The following HIP1 variants were observed in gnomAD, a reference collection of about 807,000 sequenced individuals.
HIP1 encodes the protein huntingtin interacting protein 1, also known as huntingtin-interacting protein 1.
In HIP1, 65 loss-of-function variants were observed where a neutral mutation model predicts 147.6. The ratio of observed to expected loss-of-function variants is 0.44; its 90% CI spans 0.36 to 0.54. The LOEUF (loss-of-function observed/expected upper bound fraction) is 0.54. Ranked by LOEUF, HIP1 falls within the 20% of genes least tolerant of loss-of-function variation. The pLI is 0.00. For synonymous variants in HIP1, 479 were observed against 504.0 expected (o/e 0.95, Z 0.67); for missense variants, 1,061 against 1,299.6 (o/e 0.82, Z 2.82).
intron 24 of HIP1, 115 bp downstream of exon 24, chr7:75,547,640 T>C (rs1794619950): frequency 6.1e-6 from 5 of 824,184 alleles, no homozygotes; most frequent in Non-Finnish European, 8.6e-6. Context: ...AACTCAGCCC[T>C]TCCCCGTGGC....
At chr7:75,551,290 C>T (rs1794774689) in intron 22 of HIP1, among the ~76,000 whole-genome samples, 1 of 149,402 alleles carries the variant, frequency 6.7e-6, no homozygotes, top group South Asian at 2.1e-4. Context: ...CTCCGCCTCC[C>T]AGGCTCAAAG....
chr7:75,540,847 G>A (rs782410075), intron 29 of HIP1, among the ~76,000 whole-genome samples: 3 of 152,112 alleles, frequency 2.0e-5, no homozygotes, highest in Non-Finnish European at 2.9e-5. Flanking sequence ...AAAGTCATAC[G>A]CAAATAATTC....
chr7:75,622,866 TA>T (rs1797894408), intron 1 of HIP1, among the ~76,000 whole-genome samples: 4 of 115,006 alleles, frequency 3.5e-5, no homozygotes, highest in African/African-American at 2.0e-4. Context: ...TCTATCTATC[TA>T]TCTATCTATC....
At chr7:75,555,980 G>T in intron 18 of HIP1, 46 bp downstream of exon 18, 1 of 1,606,478 alleles carries the variant, frequency 6.2e-7, no homozygotes, top group South Asian at 1.1e-5. Context: ...AGAGGCCCTC[G>T]GTGGGAATTC....
chr7:75,630,000 A>C (rs1442417065), intron 1 of HIP1, among the ~76,000 whole-genome samples: 1 of 152,142 alleles, frequency 6.6e-6, no homozygotes, highest in Non-Finnish European at 1.5e-5. Context: ...CTCTGCAAAA[A>C]AGTTAAAAAT....
intron 1 of HIP1, among the ~76,000 whole-genome samples, chr7:75,671,056 C>A (rs1223062264): frequency 1.3e-5 from 2 of 151,988 alleles, no homozygotes; most frequent in African/African-American, 4.8e-5. Flanking sequence ...TCAAGGTTCA[C>A]CCATGTTGTA....
chr7:75,691,102 T>C (rs1269172338), intron 1 of HIP1, among the ~76,000 whole-genome samples: 1 of 152,168 alleles, frequency 6.6e-6, no homozygotes, highest in African/African-American at 2.4e-5. Context: ...GGAGTTCTGA[T>C]ACATGCTCCA....
At chr7:75,712,727 TACTC>T (rs1801195408) in intron 1 of HIP1, among the ~76,000 whole-genome samples, 2 of 152,294 alleles carry the variant, frequency 1.3e-5, no homozygotes, top group Middle Eastern at 6.8e-3. Flanking sequence ...ATCTCTGATT[TACTC>T]ACTCATTCAA....
chr7:75,563,748 T>C (rs1176103886), intron 9 of HIP1, among the ~76,000 whole-genome samples: 1 of 152,222 alleles, frequency 6.6e-6, no homozygotes, highest in Admixed American at 6.5e-5. Flanking sequence ...TCCTGGGAAG[T>C]GGGGACTGAG....
Position 75,556,104 on chromosome 7 carries a change from G to A in HIP1, c.1749C>T (p.Gly583=), listed in dbSNP as rs1185103666. The A allele has an allele frequency of 5.0e-6, 8 of 1,614,158 alleles. No individual in the cohort carries two copies. The African/African-American group carries it at 6.7e-5, about 13-fold the overall frequency. ...LEKERDSLVS[G]AAHREEELSA... is the part of the protein sequence containing the mutation. ...ATAATTCCTCCTCCCTATGAGCTGC[G>A]CCACTCACCAGGCTGTCCCGCTCCT... The change falls in exon 18 of 31, where the codon GGC becomes GGT. Residue 583 remains glycine (G), a synonymous_variant. Transcript: ENST00000336926.
chr7:75,699,245 T>C (rs1366107345), intron 1 of HIP1, among the ~76,000 whole-genome samples: 1 of 152,088 alleles, frequency 6.6e-6, no homozygotes, highest in Non-Finnish European at 1.5e-5. Context: ...CAAAGATTCT[T>C]ACAAAGATAT....
intron 1 of HIP1, among the ~76,000 whole-genome samples, chr7:75,704,665 C>T (rs1800936762): frequency 6.6e-6 from 1 of 152,212 alleles, no homozygotes; most frequent in Non-Finnish European, 1.5e-5. Context: ...TCACTGCAAC[C>T]TCCACCTCCC....
At chr7:75,602,542 C>T (rs1334908662) in intron 1 of HIP1, among the ~76,000 whole-genome samples, 1 of 117,342 alleles carries the variant, frequency 8.5e-6, no homozygotes, top group Non-Finnish European at 1.7e-5. Flanking sequence ...CTCGCTCTGT[C>T]ACCAGGCTGG....
intron 1 of HIP1, among the ~76,000 whole-genome samples, chr7:75,729,010 C>A (rs1801742479): frequency 6.6e-6 from 1 of 151,322 alleles, no homozygotes; most frequent in Non-Finnish European, 1.5e-5. Flanking sequence ...ATCATTCATA[C>A]CCCAAAACTC....
intron 28 of HIP1, 30 bp downstream of exon 28, chr7:75,542,821 G>T: frequency 6.2e-7 from 1 of 1,612,176 alleles, no homozygotes. Context: ...AACAGGGTGG[G>T]TAAGAAAAGG....
chr7:75,686,009 C>T (rs1800250030), intron 1 of HIP1, among the ~76,000 whole-genome samples: 1 of 152,128 alleles, frequency 6.6e-6, no homozygotes, highest in East Asian at 1.9e-4. Context: ...AATTCTTGTG[C>T]CTCAGCCTCC....
Position 75,668,411 on chromosome 7 carries a change from G to A in HIP1, c.121-69164C>T, listed in dbSNP as rs909055700. ...GCCATCTCAGCTCACTGCAACCTCTGCCTCCCAGGTTCAAGTGATTCTCCT... is the reference window on the plus strand; with the variant it reads ...GCCATCTCAGCTCACTGCAACCTCTACCTCCCAGGTTCAAGTGATTCTCCT... On this transcript the variant is annotated intron_variant, in intron 1 of 30. Coordinates refer to ENST00000336926, the MANE Select transcript of HIP1 (RefSeq NM_005338.7). Among the ~76,000 whole-genome samples, 155 of 152,178 alleles carry A rather than the reference G, an allele frequency of 1.0e-3. 1 individual carries two copies. Among genetic ancestry groups the A allele is most frequent in the African/African-American group, 3.6e-3 (151 of 41,532 alleles).
At chr7:75,686,045 G>A (rs1185279048) in intron 1 of HIP1, among the ~76,000 whole-genome samples, 1 of 151,926 alleles carries the variant, frequency 6.6e-6, no homozygotes, top group Non-Finnish European at 1.5e-5. Context: ...ACGGGTGTGT[G>A]CCACCACACC....
intron 22 of HIP1, among the ~76,000 whole-genome samples, chr7:75,550,718 T>C (rs1030043316): frequency 6.6e-6 from 1 of 152,146 alleles, no homozygotes; most frequent in Non-Finnish European, 1.5e-5. Flanking sequence ...CTGGCCTGTC[T>C]TATTATTATT....
Sources: allele counts gnomAD v4.1 joint callset (sites outside exome capture counted in the v4.1 genomes callset), GRCh38; gene constraint gnomAD v4.1.1; transcripts MANE v1.5; gene names NCBI Gene and HGNC (gene_info 2026-07-23, HGNC 2026-07-21).